The following NOS1 variants were observed in gnomAD, a reference collection of about 807,000 sequenced individuals.
NOS1 encodes NOS type I.
A neutral mutation model predicts 164.5 loss-of-function variants in NOS1; 51 were observed. The observed-to-expected ratio is 0.31, with a 90% CI of 0.25 to 0.39. The LOEUF (loss-of-function observed/expected upper bound fraction) is 0.39. Ranked by LOEUF, NOS1 falls within the 10% of genes least tolerant of loss-of-function variation. NOS1 has a pLI of 1.00. For missense variants in NOS1, 1,362 were observed against 1,885.6 expected, an observed-to-expected ratio of 0.72 and a Z score of 5.14; for synonymous variants, 719 against 745.8, an observed-to-expected ratio of 0.96 and a Z score of 0.59.
chr12:117,236,443 T>A (rs1869715426), intron 20 of NOS1, among the ~76,000 whole-genome samples: 1 of 152,146 alleles, frequency 6.6e-6, no homozygotes. Context: ...AAGCAAGGCA[T>A]CCCCGCCCTT....
chr12:117,253,855 C>A, intron 16 of NOS1, 101 bp from the exon 17 acceptor site: 1 of 766,278 alleles, frequency 1.3e-6, no homozygotes, highest in Non-Finnish European at 2.3e-6. Flanking sequence ...ATTCTAGGGC[C>A]TTCTCTTGTA....
intron 10 of NOS1, among the ~76,000 whole-genome samples, chr12:117,270,651 C>T (rs1872722275): frequency 6.6e-6 from 1 of 151,728 alleles, no homozygotes; most frequent in Non-Finnish European, 1.5e-5. Flanking sequence ...AAAAAGAAAC[C>T]CTTAAAAAAA....
At position 117,234,701 on chromosome 12, in the gene NOS1, C is replaced by G. The variant is rs1359250387; in HGVS notation, c.3099G>C (p.Gln1033His). 3 of 1,614,128 alleles carry G rather than the reference C, an allele frequency of 1.9e-6. No individual in the cohort carries two copies. The highest frequency in any genetic ancestry group is 3.3e-5 in the Admixed American group (2 of 60,022). ...GGAAGACACCCAGGTGGTCCCCAGG[C>G]TGGTACTGCAGCTCCTGGCTCCCGT... is the stretch of plus-strand genomic sequence containing the variant. ...HTNGSQELQY[Q>H]PGDHLGVFPG... The change falls in exon 21 of 29, where the codon CAG becomes CAC. Residue 1033 changes from glutamine to histidine, a missense_variant. Coordinates refer to ENST00000317775, the MANE Select transcript of NOS1 (RefSeq NM_000620.5). This position sits in a 1 kb window ranked among gnomAD's most constrained non-coding sequence, Gnocchi z 4.3.
intron 12 of NOS1, among the ~76,000 whole-genome samples, chr12:117,265,056 G>C (rs1397465694): frequency 6.6e-6 from 1 of 151,688 alleles, no homozygotes; most frequent in African/African-American, 2.4e-5. Flanking sequence ...ATATTCCCCA[G>C]GGTGGTCTCA....
rs892369253 is a variant in NOS1 at position 117,318,585 on chromosome 12, T to C, written c.726-6993A>G. 8.4e-4 allele frequency among the ~76,000 whole-genome samples: 128 copies of C among 152,222 alleles called. 3 individuals carry two copies. Among genetic ancestry groups the C allele is most frequent in the Admixed American group, 8.3e-3 (127 of 15,280 alleles). ...CCAGATCCTTCCAACTGAGGCTTCC[T>C]AAGAACCAGGTTCCCCGACCTCTTG... is the stretch of plus-strand genomic sequence containing the variant. On this transcript the variant is annotated intron_variant, in intron 2 of 28. Transcript: ENST00000317775.
chr12:117,337,406 G>A lies in NOS1; in HGVS notation c.-420-5917C>T, dbSNP rs945059888. 2.6e-5 allele frequency among the ~76,000 whole-genome samples: 4 copies of A among 152,176 alleles called. 1 individual carries two copies. In the South Asian group the frequency reaches 8.3e-4, roughly 32 times the overall value. The stretch of plus-strand genomic sequence containing the variant: ...GCTGGGATTACAGGCTTGAGCCACC[G>A]TGCCCGGCCGCGCTTTTTACTCTTT... On this transcript the variant is annotated intron_variant, in intron 1 of 28. Transcript: ENST00000317775.
intron 2 of NOS1, among the ~76,000 whole-genome samples, chr12:117,327,921 C>T (rs1157970150): frequency 6.6e-6 from 1 of 152,206 alleles, no homozygotes; most frequent in East Asian, 1.9e-4. Context: ...CTGGAATTGG[C>T]CCCATTTTTG....
intron 17 of NOS1, among the ~76,000 whole-genome samples, chr12:117,252,442 G>A (rs1317802552): frequency 6.6e-6 from 1 of 152,214 alleles, no homozygotes; most frequent in African/African-American, 2.4e-5. Context: ...AGGGAAAAAT[G>A]GGTCTGACTG....
Position 117,253,721 on chromosome 12 carries a change from G to C in NOS1, c.2565C>G (p.Ser855=). Residue 855 remains serine (S), a synonymous_variant, in exon 17 of 29, where the codon TCC becomes TCG. Coordinates refer to ENST00000317775, the MANE Select transcript of NOS1 (RefSeq NM_000620.5). ...CTGATGATTTTTGGGAGTCAGAGTA[G>C]GAGGAGACGCTGTTGAATCGGACCT... ...SYKVRFNSVS[S]YSDSQKSSGD... 6.2e-7 allele frequency: 1 copy of C among 1,614,044 alleles called. No individual in the cohort carries two copies. Among genetic ancestry groups the C allele is most frequent in the Non-Finnish European group, 8.5e-7 (1 of 1,179,982 alleles).
Position 117,243,195 on chromosome 12 carries a change from A to T in NOS1, c.2962+102T>A. On this transcript the variant is annotated intron_variant, in intron 19 of 28. Transcript: ENST00000317775. This position sits in a 1 kb window ranked among gnomAD's most constrained non-coding sequence, Gnocchi z 4.3. ...GGTAGGACTGCACTAAAGGGAGATC[A>T]AAGCAATGAAGCCCATCTTCTCTAA... The T allele has an allele frequency of 7.0e-7, 1 of 1,435,168 alleles. No homozygotes were observed. The highest frequency in any genetic ancestry group is 9.6e-7 in the Non-Finnish European group (1 of 1,046,814). The allele number at this position is 1,435,168 out of a possible 1,614,324, so 88.9% of individuals were successfully genotyped here. A position where few individuals can be genotyped will look rare whatever the true frequency, so the allele number is the denominator to read the frequency against.
chr12:117,360,641 G>A (rs1877095426), intron 1 of NOS1, among the ~76,000 whole-genome samples: 1 of 152,356 alleles, frequency 6.6e-6, no homozygotes, highest in Non-Finnish European at 1.5e-5. Context: ...CCGGAGCGAT[G>A]TTCCGGGAGC....
At chr12:117,270,583 A>G (rs538044754) in intron 10 of NOS1, among the ~76,000 whole-genome samples, 23 of 152,126 alleles carry the variant, frequency 1.5e-4, no homozygotes, top group Non-Finnish European at 2.8e-4. Context: ...TAGAAGAACA[A>G]TGCTATTGTT....
At chr12:117,279,740 CAGTT>C (rs1374593452) in intron 8 of NOS1, among the ~76,000 whole-genome samples, 1 of 152,200 alleles carries the variant, frequency 6.6e-6, no homozygotes, top group African/African-American at 2.4e-5. Flanking sequence ...CAAGTACACA[CAGTT>C]AGTGCTCAGC....
At chr12:117,361,165 C>A (rs1367301024) in intron 1 of NOS1, among the ~76,000 whole-genome samples, 1 of 152,088 alleles carries the variant, frequency 6.6e-6, no homozygotes, top group South Asian at 2.1e-4. Flanking sequence ...TGCCTCTTCG[C>A]GCTGCGCACC....
chr12:117,221,885 T>C (rs2135926578), intron 26 of NOS1, among the ~76,000 whole-genome samples: 1 of 145,430 alleles, frequency 6.9e-6, no homozygotes, highest in African/African-American at 2.6e-5. Context: ...GTCTTGAACT[T>C]CCAGACTCAA....
Position 117,267,352 on chromosome 12 carries a change from C to T in NOS1, c.1941+691G>A, listed in dbSNP as rs573157821. Among the ~76,000 whole-genome samples, 6 of 152,226 alleles carry T rather than the reference C, an allele frequency of 3.9e-5. No individual in the cohort carries two copies. The East Asian group carries it at 5.8e-4, about 15-fold the overall frequency. ...CTGTAATCCCAGCACTTTGGGAGGC[C>T]GAGGCAGGTGAATCACCTGAAGTCA... is the stretch of plus-strand genomic sequence containing the variant. On this transcript the variant is annotated intron_variant, in intron 11 of 28. Coordinates refer to ENST00000317775, the MANE Select transcript of NOS1 (RefSeq NM_000620.5).
chr12:117,237,969 A>G (rs1161368103), intron 20 of NOS1, among the ~76,000 whole-genome samples: 1 of 152,166 alleles, frequency 6.6e-6, no homozygotes, highest in Non-Finnish European at 1.5e-5. Flanking sequence ...GCGATTTGAC[A>G]CTTAAGCAGA....
At chr12:117,332,584 G>T (rs1875599513) in intron 1 of NOS1, among the ~76,000 whole-genome samples, 1 of 151,898 alleles carries the variant, frequency 6.6e-6, no homozygotes, top group Non-Finnish European at 1.5e-5. Flanking sequence ...AAAAAATCAG[G>T]CCGGTCACAG....
At chr12:117,320,870 A>C (rs1048978865) in intron 2 of NOS1, among the ~76,000 whole-genome samples, 3 of 152,170 alleles carry the variant, frequency 2.0e-5, no homozygotes, top group African/African-American at 7.2e-5. Flanking sequence ...TTCTGGCCTC[A>C]GTACAAATGT....
Sources: gnomAD v4.1 joint callset for allele counts (sites outside exome capture counted in the v4.1 genomes callset) on GRCh38, gnomAD v4.1.1 for gene constraint, Gnocchi (gnomAD v3.1) non-coding constraint, MANE v1.5 for transcripts, NCBI Gene and HGNC (gene_info 2026-07-23, HGNC 2026-07-21) for gene names.